Variants in SAMMSON observed in about 807,000 individuals in gnomAD.
The protein encoded by SAMMSON is long intergenic non-protein coding RNA 1212.
intron 4 of SAMMSON, among the ~76,000 whole-genome samples, chr3:70,231,812 C>T (rs1244111657): frequency 1.3e-5 from 2 of 152,100 alleles, no homozygotes; most frequent in African/African-American, 4.8e-5. Flanking sequence ...ATTACTTGGA[C>T]CAGGAGTCAC....
At chr3:70,387,808 A>G (rs1700988273) in intron 9 of SAMMSON, among the ~76,000 whole-genome samples, 1 of 152,104 alleles carries the variant, frequency 6.6e-6, no homozygotes. Flanking sequence ...GCTGTATTAA[A>G]TGTTCTACCT....
intron 3 of SAMMSON, among the ~76,000 whole-genome samples, chr3:70,023,739 A>T (rs1437247993): frequency 6.6e-6 from 1 of 152,134 alleles, no homozygotes; most frequent in South Asian, 2.1e-4. Flanking sequence ...GCAAGGTATG[A>T]TCTCTATTTC....
intron 4 of SAMMSON, among the ~76,000 whole-genome samples, chr3:70,118,505 G>T (rs1045418921): frequency 2.6e-5 from 4 of 152,094 alleles, no homozygotes; most frequent in African/African-American, 9.7e-5. Context: ...AGGATTTCAG[G>T]TCAAATAATT....
chr3:70,043,180 G>T (rs1379222625), intron 3 of SAMMSON, among the ~76,000 whole-genome samples: 1 of 151,994 alleles, frequency 6.6e-6, no homozygotes, highest in Non-Finnish European at 1.5e-5. Flanking sequence ...GCCAGGGCTG[G>T]TCCTGCCACT....
At chr3:70,245,858 T>C (rs1244521692) in intron 4 of SAMMSON, among the ~76,000 whole-genome samples, 1 of 151,066 alleles carries the variant, frequency 6.6e-6, no homozygotes. Context: ...TTAAAAACAA[T>C]CTCCGCAGAA....
chr3:70,335,333 G>A (rs960631536), intron 7 of SAMMSON, among the ~76,000 whole-genome samples: 1 of 151,882 alleles, frequency 6.6e-6, no homozygotes, highest in African/African-American at 2.4e-5. Flanking sequence ...ATATTTGTCA[G>A]TTTGTTTTGT....
intron 7 of SAMMSON, among the ~76,000 whole-genome samples, chr3:70,350,462 T>C (rs1702786041): frequency 2.6e-5 from 4 of 152,144 alleles, no homozygotes; most frequent in Admixed American, 1.3e-4. Flanking sequence ...TCTTGATATG[T>C]ATTTAATAAA....
intron 4 of SAMMSON, among the ~76,000 whole-genome samples, chr3:70,153,144 G>A (rs529133316): frequency 1.3e-4 from 19 of 151,998 alleles, no homozygotes; most frequent in South Asian, 6.2e-4. Context: ...GGTGAGGGGC[G>A]TTATTCTGTC....
chr3:70,281,319 C>A (rs1178937017), intron 6 of SAMMSON, among the ~76,000 whole-genome samples: 1 of 152,140 alleles, frequency 6.6e-6, no homozygotes, highest in East Asian at 1.9e-4. Context: ...ATTCAGGAAC[C>A]TCCTGATCTT....
chr3:70,004,192 A>G (rs2107574305), intron 1 of SAMMSON, among the ~76,000 whole-genome samples: 1 of 152,304 alleles, frequency 6.6e-6, no homozygotes, highest in Middle Eastern at 3.4e-3. Flanking sequence ...CTAGTAAGTT[A>G]GCTCACATAA....
At chr3:70,238,418 G>T (rs114819871) in intron 4 of SAMMSON, among the ~76,000 whole-genome samples, 1,886 of 151,952 alleles carry the variant, frequency 0.012, 48 homozygotes, top group African/African-American at 0.042. Context: ...AGACTAGCCT[G>T]GCAACATGTA....
intron 6 of SAMMSON, among the ~76,000 whole-genome samples, chr3:70,277,805 C>G (rs1464502541): frequency 3.9e-5 from 6 of 151,954 alleles, no homozygotes; most frequent in Non-Finnish European, 8.8e-5. Context: ...ATTTTTTATA[C>G]AAATGGTTGT....
At chr3:70,318,841 A>G (rs1469007421) in intron 7 of SAMMSON, among the ~76,000 whole-genome samples, 1 of 151,956 alleles carries the variant, frequency 6.6e-6, no homozygotes, top group Non-Finnish European at 1.5e-5. Flanking sequence ...TTTTCTGATA[A>G]TGGGTCATTT....
intron 7 of SAMMSON, among the ~76,000 whole-genome samples, chr3:70,299,315 T>C (rs990075336): frequency 4.9e-5 from 7 of 143,998 alleles, no homozygotes; most frequent in Non-Finnish European, 9.2e-5. Context: ...AATTATAAAT[T>C]TGTGCGTTAT....
chr3:70,244,553 G>A (rs1157707888), intron 4 of SAMMSON, among the ~76,000 whole-genome samples: 2 of 152,154 alleles, frequency 1.3e-5, no homozygotes, highest in Non-Finnish European at 2.9e-5. Flanking sequence ...CAATATATGG[G>A]ATGTAAAAAG....
intron 6 of SAMMSON, among the ~76,000 whole-genome samples, chr3:70,274,282 A>G: frequency 6.6e-6 from 1 of 152,082 alleles, no homozygotes; most frequent in East Asian, 1.9e-4. Flanking sequence ...AATATTTTAG[A>G]GCTTTTGATT....
chr3:70,334,510 A>T (rs551005523), intron 7 of SAMMSON, among the ~76,000 whole-genome samples: 1 of 152,002 alleles, frequency 6.6e-6, no homozygotes, highest in Non-Finnish European at 1.5e-5. Flanking sequence ...GACACTTATG[A>T]CCTATAGGAC....
chr3:70,176,582 C>A (rs912684803), intron 4 of SAMMSON, among the ~76,000 whole-genome samples: 1 of 152,092 alleles, frequency 6.6e-6, no homozygotes, highest in East Asian at 1.9e-4. Flanking sequence ...TCAATAGAAG[C>A]TTTCATATCT....
chr3:70,119,128 G>A (rs1049789527), intron 4 of SAMMSON, among the ~76,000 whole-genome samples: 3 of 152,184 alleles, frequency 2.0e-5, no homozygotes, highest in South Asian at 4.2e-4. Flanking sequence ...GTGCCATGGC[G>A]TGATGTCGGC....
Sources: gnomAD v4.1 joint callset for allele counts (sites outside exome capture counted in the v4.1 genomes callset) on GRCh38, gnomAD v4.1.1 for gene constraint, MANE v1.5 for transcripts, NCBI Gene and HGNC (gene_info 2026-07-23, HGNC 2026-07-21) for gene names.